Variants in NPEPPS observed in about 807,000 individuals in gnomAD.
NPEPPS encodes the protein puromycin-sensitive aminopeptidase.
In NPEPPS, 14 loss-of-function variants were observed where a neutral mutation model predicts 115.5. That is an observed-to-expected ratio of 0.12 (90% CI 0.08 to 0.19). The LOEUF (loss-of-function observed/expected upper bound fraction) is 0.19, where lower values mean the gene tolerates loss of function less well. Ranked by LOEUF, NPEPPS falls within the 10% of genes least tolerant of loss-of-function variation. NPEPPS has a pLI of 1.00. For synonymous variants in NPEPPS, 285 were observed against 390.6 expected (o/e 0.73, Z 3.19); for missense variants, 523 against 1,110.8 (o/e 0.47, Z 7.52).
chr17:47,615,533 C>T lies in NPEPPS; in HGVS notation c.2295+1808C>T, dbSNP rs189852150. Among the ~76,000 whole-genome samples the T allele has an allele frequency of 5.4e-4, 82 of 152,052 alleles. No individual in the cohort carries two copies. The East Asian group carries it at 0.015, about 28-fold the overall frequency. ...GATTGTGCCACTGCACTCCAGCCTGCGTGACAGAGCAAGACCCTATCTTAA... is the reference window on the plus strand; with the variant it reads ...GATTGTGCCACTGCACTCCAGCCTGTGTGACAGAGCAAGACCCTATCTTAA... On this transcript the variant is annotated intron_variant, in intron 19 of 22. Coordinates refer to ENST00000322157, the MANE Select transcript of NPEPPS (RefSeq NM_006310.4).
chr17:47,547,643 C>T (rs887732209), intron 2 of NPEPPS, among the ~76,000 whole-genome samples: 2 of 152,100 alleles, frequency 1.3e-5, no homozygotes, highest in Admixed American at 6.6e-5. Flanking sequence ...ACAGCAAGAG[C>T]CACCACACCT....
chr17:47,567,227 GTAAAATGAGGAAGAT>G (rs1910879953), intron 2 of NPEPPS, among the ~76,000 whole-genome samples: 1 of 152,186 alleles, frequency 6.6e-6, no homozygotes, highest in Admixed American at 6.5e-5. Context: ...TTCTTCATCT[GTAAAATGAGGAAGAT>G]TTGATTAGAG....
intron 1 of NPEPPS, among the ~76,000 whole-genome samples, chr17:47,533,323 A>G (rs1191886946): frequency 1.3e-5 from 2 of 151,788 alleles, no homozygotes; most frequent in Admixed American, 1.3e-4. Context: ...TTGGGTCTAA[A>G]TTAGAATTTG....
chr17:47,613,720 T>G lies in NPEPPS; in HGVS notation c.2290T>G (p.Leu764Val). 1 of 1,610,096 alleles carries G rather than the reference T, an allele frequency of 6.2e-7. No individual in the cohort carries two copies. Among genetic ancestry groups the G allele is most frequent in the South Asian group, 1.1e-5 (1 of 90,838 alleles). ...TGATGGCACTACTTTAGATATTATG[T>G]TAAAAGTAAGTATATTTGAGAAGGC... ...HGDGTTLDIM[L>V]KLHKQADMQE... The change falls in exon 19 of 23, where the codon TTA becomes GTA. Residue 764 changes from leucine (L) to valine (V), a missense_variant. By Grantham distance (32) the Leu-to-Val change is conservative. Coordinates refer to ENST00000322157, the MANE Select transcript of NPEPPS (RefSeq NM_006310.4).
At position 47,596,469 on chromosome 17, in the gene NPEPPS, A is replaced by T; in HGVS notation, c.1536+7A>T. On this transcript the variant is annotated splice_region_variant and intron_variant, in intron 13 of 22. Coordinates refer to ENST00000322157, the MANE Select transcript of NPEPPS (RefSeq NM_006310.4). ...TTATGTGGAAGCTGAACAGGTAAACATATAAAGTCTTTCCATTTGTCTGAT... is the reference window on the plus strand; with the variant it reads ...TTATGTGGAAGCTGAACAGGTAAACTTATAAAGTCTTTCCATTTGTCTGAT... The T allele has an allele frequency of 6.6e-7, 1 of 1,517,702 alleles. No homozygotes were observed. Among genetic ancestry groups the T allele is most frequent in the Admixed American group, 1.9e-5 (1 of 52,036 alleles). The allele number at this position is 1,517,702 out of a possible 1,614,324, so 94.0% of individuals were successfully genotyped here.
chr17:47,533,952 T>C (rs1326634145), intron 1 of NPEPPS, among the ~76,000 whole-genome samples: 1 of 152,174 alleles, frequency 6.6e-6, no homozygotes, highest in Non-Finnish European at 1.5e-5. Context: ...CTAATTGACA[T>C]GTTTGGAAGG....
chr17:47,531,709 C>G (rs1397113084), intron 1 of NPEPPS, among the ~76,000 whole-genome samples, 154 bp downstream of exon 1: 11 of 137,792 alleles, frequency 8.0e-5, no homozygotes, highest in African/African-American at 2.5e-4. Context: ...CTGCCTTGCT[C>G]TGTTGGGGCT....
chr17:47,566,205 C>G (rs534941034), intron 2 of NPEPPS, among the ~76,000 whole-genome samples: 14 of 152,232 alleles, frequency 9.2e-5, no homozygotes, highest in African/African-American at 3.4e-4. Context: ...TTTTGAACTC[C>G]TGGGTTCAAG....
chr17:47,551,327 A>T (rs4794392), intron 2 of NPEPPS, among the ~76,000 whole-genome samples: 67,988 of 151,564 alleles, frequency 0.45, 16,231 homozygotes, highest in East Asian at 0.55. Context: ...CTGAACAGTG[A>T]TTCCCTTGCA....
chr17:47,608,829 T>C (rs1913674123), intron 17 of NPEPPS, among the ~76,000 whole-genome samples: 2 of 152,150 alleles, frequency 1.3e-5, no homozygotes, highest in Admixed American at 6.6e-5. Flanking sequence ...AGAGGGAATG[T>C]GATCAGCTGT....
chr17:47,538,107 G>A (rs1908445099), intron 1 of NPEPPS, among the ~76,000 whole-genome samples: 1 of 151,178 alleles, frequency 6.6e-6, no homozygotes, highest in Admixed American at 6.6e-5. Context: ...TGGCCAGGCT[G>A]GTCTTGAACT....
At chr17:47,555,347 C>CTTT (rs11301327) in intron 2 of NPEPPS, among the ~76,000 whole-genome samples, 2 of 118,146 alleles carry the variant, frequency 1.7e-5, no homozygotes, top group Admixed American at 9.2e-5. Context: ...GTATGCTGTT[C>CTTT]TTTTTTTTTT....
intron 2 of NPEPPS, among the ~76,000 whole-genome samples, chr17:47,562,847 T>G (rs1035580588): frequency 2.0e-5 from 3 of 152,032 alleles, no homozygotes; most frequent in African/African-American, 7.2e-5. Context: ...TTTCTGTAAT[T>G]TATTCATATT....
chr17:47,583,765 C>G (rs562890837), intron 5 of NPEPPS, among the ~76,000 whole-genome samples: 6 of 151,702 alleles, frequency 4.0e-5, no homozygotes, highest in South Asian at 2.1e-4. Context: ...AGATTTAAAA[C>G]TTAAAAGTTA....
At chr17:47,608,870 A>G (rs1348103901) in intron 17 of NPEPPS, among the ~76,000 whole-genome samples, 1 of 152,242 alleles carries the variant, frequency 6.6e-6, no homozygotes, top group African/African-American at 2.4e-5. Context: ...GTCAAACAGA[A>G]TGATGAAGGC....
At chr17:47,533,808 T>A (rs1452177830) in intron 1 of NPEPPS, among the ~76,000 whole-genome samples, 2 of 152,226 alleles carry the variant, frequency 1.3e-5, no homozygotes, top group East Asian at 1.9e-4. Flanking sequence ...AATAAATAAA[T>A]TTTTTAAGTA....
At chr17:47,594,243 GC>G (rs563713726) in intron 12 of NPEPPS, among the ~76,000 whole-genome samples, 334 of 152,070 alleles carry the variant, frequency 2.2e-3, no homozygotes, top group African/African-American at 7.7e-3. Flanking sequence ...GAATATGAAG[GC>G]CTAAGACATT....
At chr17:47,562,885 T>C (rs1188519693) in intron 2 of NPEPPS, among the ~76,000 whole-genome samples, 3 of 152,114 alleles carry the variant, frequency 2.0e-5, no homozygotes, top group Non-Finnish European at 4.4e-5. Context: ...AGTGTTATTC[T>C]TGTTATTGAT....
intron 2 of NPEPPS, among the ~76,000 whole-genome samples, chr17:47,560,531 A>G (rs1023854095): frequency 6.6e-6 from 1 of 152,212 alleles, no homozygotes; most frequent in Non-Finnish European, 1.5e-5. Flanking sequence ...AACTATGCAT[A>G]TATCTGATTG....
Sources: allele counts gnomAD v4.1 joint callset (sites outside exome capture counted in the v4.1 genomes callset), GRCh38; gene constraint gnomAD v4.1.1; transcripts MANE v1.5; gene names NCBI Gene and HGNC (gene_info 2026-07-23, HGNC 2026-07-21).